Variants in TMEM254 observed in about 807,000 individuals in gnomAD.
TMEM254 encodes transmembrane protein C10orf57.
In TMEM254, 16 loss-of-function variants were observed where a neutral mutation model predicts 13.9. That is an observed-to-expected ratio of 1.15 (90% CI 0.78 to 1.75). TMEM254 has a LOEUF of 1.75. Ranked by LOEUF, TMEM254 falls within the 40% of genes most tolerant of loss-of-function variation. TMEM254 has a pLI of 0.00. For missense variants in TMEM254, 155 were observed against 149.0 expected, an observed-to-expected ratio of 1.04 and a Z score of -0.21; for synonymous variants, 61 against 56.4, an observed-to-expected ratio of 1.08 and a Z score of -0.36.
In TMEM254 at chr10:80,089,734, T is replaced by C. The variant is rs540288189; in HGVS notation, c.252-1063T>C. Among the ~76,000 whole-genome samples, 13 of 152,144 alleles carry C rather than the reference T, an allele frequency of 8.5e-5. No homozygotes were observed. The East Asian group carries it at 1.7e-3, about 20-fold the overall frequency. On this transcript the variant is annotated intron_variant, in intron 3 of 3. Transcript: ENST00000372281. Reference sequence around the variant, plus strand: ...ATTTGTCAAATGCAGCCGGGCGTGGTGGCTCACGCCTGTAATACCAGCACT... The same window carrying C: ...ATTTGTCAAATGCAGCCGGGCGTGGCGGCTCACGCCTGTAATACCAGCACT...
rs1357465555 is a variant in TMEM254 at position 80,078,805 on chromosome 10, G to A, written c.87+19G>A. On this transcript the variant is annotated intron_variant, in intron 1 of 3. Transcript: ENST00000372281. ...CTACACAGTAAGGACAGCCGCTGGA[G>A]CGCTACGGTCTGACGAACGAGCGAG... The A allele has an allele frequency of 1.3e-6, 2 of 1,586,288 alleles. No individual in the cohort carries two copies. Among genetic ancestry groups the A allele is most frequent in the African/African-American group, 2.7e-5 (2 of 74,246 alleles).
At chr10:80,086,994 G>T (rs1231243648) in intron 3 of TMEM254, among the ~76,000 whole-genome samples, 2 of 151,826 alleles carry the variant, frequency 1.3e-5, no homozygotes, top group East Asian at 3.9e-4. Flanking sequence ...TAAGAGATGG[G>T]TCTCACTCTA....
At chr10:80,081,734 G>A (rs757298665) in intron 1 of TMEM254, 107 bp from the exon 2 acceptor site, 22 of 1,608,166 alleles carry the variant, frequency 1.4e-5, no homozygotes, top group Admixed American at 8.6e-5. Context: ...GAGTTTCTTC[G>A]GTCTGTGGTA....
intron 3 of TMEM254, among the ~76,000 whole-genome samples, chr10:80,083,105 C>CTTTTTT (rs57014602): frequency 2.9e-4 from 31 of 106,350 alleles, no homozygotes; most frequent in African/African-American, 1.1e-3. Flanking sequence ...ATAAGCTAGA[C>CTTTTTT]TTTTTTTTTT....
chr10:80,091,005 A>T lies in TMEM254; in HGVS notation c.*88A>T. The stretch of plus-strand genomic sequence containing the variant: ...AGGAGGTGCAGTAATTTACTCAGTG[A>T]TCTTTCTACTTTCTAGAAACTGTCC... On this transcript the variant is annotated 3_prime_UTR_variant, in exon 4 of 4. Transcript: ENST00000372281. The T allele has an allele frequency of 6.6e-7, 1 of 1,511,904 alleles. No homozygotes were observed. Among genetic ancestry groups the T allele is most frequent in the African/African-American group, 1.4e-5 (1 of 71,340 alleles). 93.7% of individuals were successfully genotyped at this position (1,511,904 alleles called of 1,614,324 possible). A position where few individuals can be genotyped will look rare whatever the true frequency, so the allele number is the denominator to read the frequency against.
rs1303962783 is a variant in TMEM254 at position 80,091,045 on chromosome 10, A to G, written c.*128A>G. The G allele has an allele frequency of 7.9e-7, 1 of 1,261,122 alleles. No individual in the cohort carries two copies. Among genetic ancestry groups the G allele is most frequent in the African/African-American group, 1.5e-5 (1 of 66,126 alleles). The allele number at this position is 1,261,122 out of a possible 1,614,324, so 78.1% of individuals were successfully genotyped here. Reference sequence around the variant, plus strand: ...AGAAACTGTCCTTCAAAGCTCTTTAAGACCCCCTCGTTAGTCAGTTTTTTC... The same window carrying G: ...AGAAACTGTCCTTCAAAGCTCTTTAGGACCCCCTCGTTAGTCAGTTTTTTC... On this transcript the variant is annotated 3_prime_UTR_variant, in exon 4 of 4. Transcript: ENST00000372281.
chr10:80,079,574 C>T, intron 1 of TMEM254: 1 of 997,788 alleles, frequency 1.0e-6, no homozygotes, highest in Non-Finnish European at 1.2e-6. Context: ...GATAAAGAGG[C>T]TATAACTGTT....
At chr10:80,088,746 C>T (rs548482860) in intron 3 of TMEM254, among the ~76,000 whole-genome samples, 56 of 130,836 alleles carry the variant, frequency 4.3e-4, no homozygotes, top group African/African-American at 1.4e-3. Context: ...CCAGCCTGGG[C>T]GACAGAGCAA....
At chr10:80,086,218 G>A (rs758051925) in intron 3 of TMEM254, 8 of 1,453,560 alleles carry the variant, frequency 5.5e-6, no homozygotes, top group Middle Eastern at 1.8e-4. Context: ...AAAGACTTTT[G>A]TCTTTTAAAT....
At chr10:80,083,254 C>T (rs1192962590) in intron 3 of TMEM254, among the ~76,000 whole-genome samples, 1 of 151,926 alleles carries the variant, frequency 6.6e-6, no homozygotes, top group Non-Finnish European at 1.5e-5. Context: ...CAGAAGCCCA[C>T]CACCATGCCT....
intron 1 of TMEM254, chr10:80,079,187 G>T (rs568217355): frequency 1.2e-4 from 150 of 1,290,842 alleles, no homozygotes; most frequent in Non-Finnish European, 1.5e-4. Flanking sequence ...ACTTCGCGGT[G>T]AGGCGTGGGG....
At chr10:80,082,724 C>G (rs1013780368) in intron 3 of TMEM254, among the ~76,000 whole-genome samples, 5 of 152,144 alleles carry the variant, frequency 3.3e-5, no homozygotes, top group Admixed American at 6.5e-5. Context: ...TTAAAAGCCC[C>G]CAAACCAGAC....
rs1844564993 is a variant in TMEM254, at chr10:80,091,234, A to G, written c.*317A>G. The G allele has an allele frequency of 5.2e-6, 1 of 192,044 alleles. No homozygotes were observed. Among genetic ancestry groups the G allele is most frequent in the Non-Finnish European group, 1.1e-5 (1 of 94,856 alleles). The allele number at this position is 192,044 out of a possible 1,614,324, so 11.9% of individuals were successfully genotyped here. A position where few individuals can be genotyped will look rare whatever the true frequency, so the allele number is the denominator to read the frequency against. ...TGTGCTCTGAGCTAAGCCACATACT[A>G]AACTGACTTTTTGGTTTGTATACCC... On this transcript the variant is annotated 3_prime_UTR_variant, in exon 4 of 4. Coordinates refer to ENST00000372281, the MANE Select transcript of TMEM254 (RefSeq NM_025125.4).
At chr10:80,079,406 G>C (rs1843847769) in intron 1 of TMEM254, 1 of 1,083,740 alleles carries the variant, frequency 9.2e-7, no homozygotes, top group South Asian at 2.4e-5. Context: ...GGTTATCCGA[G>C]CCTAAGCCTC....
intron 3 of TMEM254, among the ~76,000 whole-genome samples, chr10:80,084,910 C>T (rs1844235122): frequency 6.6e-6 from 1 of 152,120 alleles, no homozygotes; most frequent in Non-Finnish European, 1.5e-5. Context: ...ACTGCAACCT[C>T]TGCCTCCCTG....
chr10:80,082,783 A>G (rs1192220878), intron 3 of TMEM254, among the ~76,000 whole-genome samples: 2 of 152,200 alleles, frequency 1.3e-5, no homozygotes, highest in African/African-American at 4.8e-5. Context: ...AGAATACAAG[A>G]AAAAATTATG....
chr10:80,089,750 T>C (rs761021385), intron 3 of TMEM254, among the ~76,000 whole-genome samples: 38 of 152,154 alleles, frequency 2.5e-4, no homozygotes, highest in Middle Eastern at 3.4e-3. Flanking sequence ...ACGCCTGTAA[T>C]ACCAGCACTT....
rs781275424 is a variant in TMEM254 at position 80,078,790 on chromosome 10, A to C, written c.87+4A>C. 1 of 1,598,804 alleles carries C rather than the reference A, an allele frequency of 6.3e-7. No individual in the cohort carries two copies. ...CCTCAGCTTTGGCTACTACACAGTA[A>C]GGACAGCCGCTGGAGCGCTACGGTC... On this transcript the variant is annotated splice_donor_region_variant and intron_variant, in intron 1 of 3. Coordinates refer to ENST00000372281, the MANE Select transcript of TMEM254 (RefSeq NM_025125.4).
Position 80,091,075 on chromosome 10 carries a change from A to G in TMEM254, c.*158A>G. The G allele has an allele frequency of 1.1e-6, 1 of 879,426 alleles. No individual in the cohort carries two copies. The highest frequency in any genetic ancestry group is 1.7e-6 in the Non-Finnish European group (1 of 591,820). 54.5% of individuals were successfully genotyped at this position (879,426 alleles called of 1,614,324 possible). On this transcript the variant is annotated 3_prime_UTR_variant, in exon 4 of 4. Transcript: ENST00000372281. ...CCCTCGTTAGTCAGTTTTTTCTCTT[A>G]TATGCTCTGGTTGAGCTTGAATAGA...
Sources: gnomAD v4.1 joint callset for allele counts (sites outside exome capture counted in the v4.1 genomes callset) on GRCh38, gnomAD v4.1.1 for gene constraint, MANE v1.5 for transcripts, NCBI Gene and HGNC (gene_info 2026-07-23, HGNC 2026-07-21) for gene names.